PIAS2: variants seen among roughly 807,000 people sequenced by gnomAD.
PIAS2 encodes protein inhibitor of activated STAT 2.
Under a neutral mutation model 69.7 loss-of-function variants are expected in PIAS2, and 19 were observed. The observed-to-expected ratio is 0.27, with a 90% CI of 0.19 to 0.40. PIAS2 has a LOEUF of 0.40. PIAS2 is among the 10% of genes least tolerant of loss of function. The pLI is 1.00. For synonymous variants in PIAS2, 261 were observed against 263.2 expected (o/e 0.99, Z 0.08); for missense variants, 624 against 757.0 (o/e 0.82, Z 2.06).
intron 1 of PIAS2, among the ~76,000 whole-genome samples, chr18:46,902,327 T>C (rs1206051259): frequency 6.7e-6 from 1 of 150,166 alleles, no homozygotes; most frequent in South Asian, 2.1e-4. Context: ...GAGGCTGAGG[T>C]GGGCAGATCA....
At chr18:46,869,689 A>G (rs751178801) in intron 2 of PIAS2, among the ~76,000 whole-genome samples, 9 of 152,204 alleles carry the variant, frequency 5.9e-5, no homozygotes, top group Non-Finnish European at 8.8e-5. Context: ...TGAAAGGACT[A>G]AACATAATAA....
chr18:46,815,258 A>G, intron 13 of PIAS2, 54 bp downstream of exon 13: 1 of 1,463,506 alleles, frequency 6.8e-7, no homozygotes, highest in Non-Finnish European at 9.6e-7. Flanking sequence ...TTTAGTTAGT[A>G]TGACATAACC....
At chr18:46,917,794 G>C (rs1483214325), upstream of PIAS2, 1 of 155,896 alleles carries the variant, frequency 6.4e-6, no homozygotes, top group Non-Finnish European at 1.4e-5. Flanking sequence ...GAGGCGGCCG[G>C]GACGCGTGAC....
intron 11 of PIAS2, among the ~76,000 whole-genome samples, chr18:46,826,268 T>C (rs960201614): frequency 6.6e-6 from 1 of 152,248 alleles, no homozygotes; most frequent in African/African-American, 2.4e-5. Context: ...TTCCTCTGCA[T>C]ACTGAGGTCA....
chr18:46,860,454 T>C (rs1300443062), intron 3 of PIAS2, among the ~76,000 whole-genome samples: 4 of 152,174 alleles, frequency 2.6e-5, no homozygotes, highest in Non-Finnish European at 5.9e-5. Flanking sequence ...ATTCCACAGT[T>C]GCAGCAGAGA....
At chr18:46,851,720 G>T (rs2046997567) in intron 5 of PIAS2, among the ~76,000 whole-genome samples, 1 of 152,224 alleles carries the variant, frequency 6.6e-6, no homozygotes, top group African/African-American at 2.4e-5. Flanking sequence ...ATCACTATTT[G>T]ATCCTTAACA....
intron 2 of PIAS2, among the ~76,000 whole-genome samples, chr18:46,866,589 A>G (rs1475061402): frequency 6.6e-6 from 1 of 152,254 alleles, no homozygotes; most frequent in African/African-American, 2.4e-5. Context: ...TACAGTAAAT[A>G]AGCATAAATG....
chr18:46,829,716 C>T lies in PIAS2; in HGVS notation c.1336+18G>A. On this transcript the variant is annotated intron_variant, in intron 10 of 13. Transcript: ENST00000585916. ...ACGAGTCTCACTGCTTTACTCTCTGCTGCTATTCTACACATACTTTCTATT... is the reference window on the plus strand; with the variant it reads ...ACGAGTCTCACTGCTTTACTCTCTGTTGCTATTCTACACATACTTTCTATT... 4 of 1,607,764 alleles carry T rather than the reference C, an allele frequency of 2.5e-6. No homozygotes were observed. The highest frequency in any genetic ancestry group is 3.4e-6 in the Non-Finnish European group (4 of 1,176,774).
In PIAS2 at chr18:46,806,900, GCA is replaced by G. The variant is rs1240428097; in HGVS notation, c.*5531_*5532del. The G allele has an allele frequency of 6.6e-6, 1 of 152,174 alleles. No homozygotes were observed. Among genetic ancestry groups the G allele is most frequent in the African/African-American group, 2.4e-5 (1 of 41,432 alleles). The allele number at this position is 152,174 out of a possible 1,614,324, so 9.4% of individuals were successfully genotyped here. ...TAAAAAAGCCATTCAGAAATAGGAAGCAGTTTGGGAAATGATTGTGCTACGCC... is the reference window on the plus strand; with the variant it reads ...TAAAAAAGCCATTCAGAAATAGGAAGGTTTGGGAAATGATTGTGCTACGCC... On this transcript the variant is annotated 3_prime_UTR_variant, in exon 14 of 14. Transcript: ENST00000585916.
At chr18:46,814,888 T>C (rs938333241) in intron 13 of PIAS2, among the ~76,000 whole-genome samples, 5 of 152,190 alleles carry the variant, frequency 3.3e-5, no homozygotes, top group African/African-American at 4.8e-5. Context: ...CAAATCTGAA[T>C]GTCTTTAAAA....
chr18:46,914,559 C>T (rs1024036191), intron 1 of PIAS2, among the ~76,000 whole-genome samples: 5 of 141,582 alleles, frequency 3.5e-5, no homozygotes, highest in African/African-American at 1.0e-4. Context: ...AACCAACCCT[C>T]CCCCCCCCAA....
At chr18:46,871,212 A>G (rs1383668021) in intron 2 of PIAS2, among the ~76,000 whole-genome samples, 4 of 152,228 alleles carry the variant, frequency 2.6e-5, no homozygotes, top group African/African-American at 7.2e-5. Flanking sequence ...CTCAAAAAGT[A>G]TATGTGAGAA....
chr18:46,897,847 C>T (rs560614376), intron 1 of PIAS2, among the ~76,000 whole-genome samples: 4 of 151,320 alleles, frequency 2.6e-5, no homozygotes, highest in Non-Finnish European at 4.4e-5. Context: ...TCTAAAAATT[C>T]TAGATAATAC....
At chr18:46,868,563 C>G (rs1253075359) in intron 2 of PIAS2, among the ~76,000 whole-genome samples, 1 of 150,528 alleles carries the variant, frequency 6.6e-6, no homozygotes, top group East Asian at 2.0e-4. Context: ...ATTGTGCCGT[C>G]TGACTCCAGC....
rs1205428536 is a variant in PIAS2, at chr18:46,806,644, C to G, written c.*5789G>C. On this transcript the variant is annotated 3_prime_UTR_variant, in exon 14 of 14. Coordinates refer to ENST00000585916, the MANE Select transcript of PIAS2 (RefSeq NM_004671.5). ...GTGCTGGGATTACAGGCATGAGCCA[C>G]CATGCCCAGCTTAAGAATTCTTGAT... 6.6e-6 allele frequency: 1 copy of G among 152,130 alleles called. No homozygotes were observed. The highest frequency in any genetic ancestry group is 2.1e-4 in the South Asian group (1 of 4,832). 9.4% of individuals were successfully genotyped at this position (152,130 alleles called of 1,614,324 possible).
chr18:46,849,920 A>G (rs1405633327), intron 5 of PIAS2, among the ~76,000 whole-genome samples: 2 of 152,136 alleles, frequency 1.3e-5, no homozygotes, highest in Non-Finnish European at 2.9e-5. Context: ...AATTCTAGAC[A>G]TGCCATTTAA....
chr18:46,917,566 T>A (rs1457506556), upstream of PIAS2: 2 of 1,096,030 alleles, frequency 1.8e-6, no homozygotes, highest in Non-Finnish European at 2.2e-6. Context: ...CGGTGCCCCC[T>A]GCCCACCCGC....
intron 8 of PIAS2, 100 bp from the exon 9 acceptor site, chr18:46,836,617 A>G (rs978894264): frequency 2.7e-5 from 20 of 749,840 alleles, no homozygotes; most frequent in Admixed American, 7.3e-5. Context: ...ATACAAGAAG[A>G]TGATAAAAAT....
intron 11 of PIAS2, among the ~76,000 whole-genome samples, chr18:46,824,862 A>G (rs887622805): frequency 2.6e-5 from 4 of 151,348 alleles, no homozygotes; most frequent in South Asian, 2.1e-4. Context: ...AACACAAAAA[A>G]ATTAGCTGGG....
Sources: gnomAD v4.1 joint callset for allele counts (sites outside exome capture counted in the v4.1 genomes callset) on GRCh38, gnomAD v4.1.1 for gene constraint, MANE v1.5 for transcripts, NCBI Gene and HGNC (gene_info 2026-07-23, HGNC 2026-07-21) for gene names.